Variants in JMJD1C observed in about 807,000 individuals in gnomAD.
The protein encoded by JMJD1C is jumonji domain containing 1C.
Under a neutral mutation model 245.3 loss-of-function variants are expected in JMJD1C, and 31 were observed. The observed-to-expected ratio is 0.13, with a 90% confidence interval of 0.09 to 0.17. The LOEUF is 0.17. JMJD1C is among the 10% of genes least tolerant of loss of function. The pLI, the probability that JMJD1C is intolerant of heterozygous loss-of-function variation, is 1.00. For synonymous variants in JMJD1C, 1,057 were observed against 1,017.4 expected, an observed-to-expected ratio of 1.04 and a Z score of -0.74; for missense variants, 2,691 against 3,000.2, an observed-to-expected ratio of 0.90 and a Z score of 2.41.
At chr10:63,372,782 A>C (rs1946413359) in intron 2 of JMJD1C, among the ~76,000 whole-genome samples, 1 of 152,272 alleles carries the variant, frequency 6.6e-6, no homozygotes, top group Non-Finnish European at 1.5e-5. Context: ...ACAGACATGC[A>C]AACAAATAGG....
At chr10:63,203,347 ACTT>A in intron 10 of JMJD1C, 1 of 984,406 alleles carries the variant, frequency 1.0e-6, no homozygotes, top group Non-Finnish European at 1.2e-6. Flanking sequence ...CTCAATGGAT[ACTT>A]CTTCATTTAT....
rs74917289 is a variant in JMJD1C at position 63,213,123 on chromosome 10, T to C, written c.2694+350A>G. Reference sequence around the variant, plus strand: ...ATTGCTTGAACCTGGGAGGCAGAGGTTGCAGTGACCCAAGATCATGTCACT... The same window carrying C: ...ATTGCTTGAACCTGGGAGGCAGAGGCTGCAGTGACCCAAGATCATGTCACT... On this transcript the variant is annotated intron_variant, in intron 8 of 25. Transcript: ENST00000399262. Among the ~76,000 whole-genome samples, 497 of 149,880 alleles carry C rather than the reference T, an allele frequency of 3.3e-3. 11 individuals are homozygous for C. The highest frequency in any genetic ancestry group is 0.03 in the Admixed American group (457 of 15,070).
At chr10:63,342,704 T>G (rs1404855584) in intron 2 of JMJD1C, among the ~76,000 whole-genome samples, 3 of 152,196 alleles carry the variant, frequency 2.0e-5, no homozygotes, top group Non-Finnish European at 4.4e-5. Context: ...TTTTTACTGT[T>G]CAGTAGTTTT....
chr10:63,344,709 A>C (rs1373361379), intron 2 of JMJD1C, among the ~76,000 whole-genome samples: 1 of 152,032 alleles, frequency 6.6e-6, no homozygotes. Context: ...AAAACAACAA[A>C]AAATGATTTA....
intron 1 of JMJD1C, among the ~76,000 whole-genome samples, chr10:63,423,706 G>A (rs914006150): frequency 1.3e-5 from 2 of 152,120 alleles, no homozygotes; most frequent in African/African-American, 2.4e-5. Flanking sequence ...TTAGCTTTTC[G>A]AGGAATTGCC....
intron 11 of JMJD1C, 37 bp from the exon 12 acceptor site, chr10:63,198,764 A>G (rs1348718617): frequency 8.4e-7 from 1 of 1,197,414 alleles, no homozygotes; most frequent in Non-Finnish European, 1.2e-6. Flanking sequence ...AGGTACCCAC[A>G]TATTAAAACA....
At chr10:63,247,654 C>G (rs922816090) in intron 3 of JMJD1C, among the ~76,000 whole-genome samples, 2 of 141,856 alleles carry the variant, frequency 1.4e-5, no homozygotes, top group Non-Finnish European at 3.0e-5. Flanking sequence ...ATTGCTTGGG[C>G]CAGAGAGGCG....
intron 3 of JMJD1C, among the ~76,000 whole-genome samples, chr10:63,253,422 C>T (rs1015761964): frequency 2.0e-5 from 3 of 150,620 alleles, no homozygotes; most frequent in African/African-American, 4.9e-5. Context: ...CTTGCTCTGT[C>T]GCCCAGGCTG....
At chr10:63,268,875 C>G in intron 2 of JMJD1C, 1 of 985,792 alleles carries the variant, frequency 1.0e-6, no homozygotes, top group Non-Finnish European at 1.2e-6. Context: ...GAAGAAAAGC[C>G]AAGACCACAG....
In JMJD1C at chr10:63,363,393, G is replaced by A. The variant is rs148797746; in HGVS notation, c.333+16925C>T. On this transcript the variant is annotated intron_variant, in intron 2 of 25. Coordinates refer to ENST00000399262, the MANE Select transcript of JMJD1C (RefSeq NM_032776.3). ...CTTGCCTCAGCCTCCCGAGTAGCTG[G>A]GATTAGAGATGCATGCCGCCATGCC... Among the ~76,000 whole-genome samples the A allele has an allele frequency of 3.5e-3, 534 of 151,844 alleles. 2 individuals are homozygous for A. The highest frequency in any genetic ancestry group is 0.012 in the African/African-American group (502 of 41,430).
intron 1 of JMJD1C, among the ~76,000 whole-genome samples, chr10:63,434,776 A>C (rs1950970076): frequency 6.6e-6 from 1 of 152,206 alleles, no homozygotes; most frequent in African/African-American, 2.4e-5. Context: ...AGCTACACAA[A>C]GGTGGATGAA....
intron 3 of JMJD1C, among the ~76,000 whole-genome samples, chr10:63,223,507 C>G (rs1848880561): frequency 1.3e-5 from 2 of 152,098 alleles, no homozygotes; most frequent in African/African-American, 4.8e-5. Context: ...GGATTACAGG[C>G]ATGAGCCATC....
rs768986551 is a variant in JMJD1C, at chr10:63,186,346, A to C, written c.6608T>G (p.Ile2203Ser). The change falls in exon 19 of 26, where the codon ATT becomes AGT. Residue 2203 changes from isoleucine (I) to serine (S), a missense_variant. Around this residue, in one of 9 missense-constraint regions of JMJD1C, gnomAD observed 232 missense variants for 416.1 expected, o/e 0.56. Transcript: ENST00000399262. Reference sequence around the variant, plus strand: ...AATTGATTCCGCCTTCCATAGGCTAATGTTCATTTTCTTATGCACACCAGA... The same window carrying C: ...AATTGATTCCGCCTTCCATAGGCTACTGTTCATTTTCTTATGCACACCAGA... ...VVSGVHKKMN[I>S]SLWKAESISL... 1 of 1,613,536 alleles carries C rather than the reference A, an allele frequency of 6.2e-7. No homozygotes were observed. The highest frequency in any genetic ancestry group is 2.2e-5 in the East Asian group (1 of 44,840).
At chr10:63,189,892 A>AT (rs144520897) in intron 17 of JMJD1C, among the ~76,000 whole-genome samples, 3,119 of 136,540 alleles carry the variant, frequency 0.023, 111 homozygotes, top group African/African-American at 0.072. Context: ...ATATATACAC[A>AT]TTTTTTTTTT....
Position 63,287,981 on chromosome 10 carries a change from G to A in JMJD1C, c.334-23217C>T, listed in dbSNP as rs538045304. 1.4e-4 allele frequency among the ~76,000 whole-genome samples: 21 copies of A among 152,196 alleles called. No individual in the cohort carries two copies. The East Asian group carries it at 1.9e-3, about 14-fold the overall frequency. On this transcript the variant is annotated intron_variant, in intron 2 of 25. Transcript: ENST00000399262. ...AGGCTGGCCTCAATCTCCTGACCTC[G>A]TGATCCACCAGCCTCAGCCTCCCAA...
intron 21 of JMJD1C, 116 bp from the exon 22 acceptor site, chr10:63,183,685 TTTCC>T (rs1843748433): frequency 3.5e-6 from 2 of 578,630 alleles, no homozygotes; most frequent in South Asian, 7.5e-5. Context: ...TGAGTTTTAG[TTTCC>T]TTATTACAAA....
At chr10:63,318,185 T>G (rs1399488984) in intron 2 of JMJD1C, among the ~76,000 whole-genome samples, 1 of 152,106 alleles carries the variant, frequency 6.6e-6, no homozygotes, top group Admixed American at 6.6e-5. Context: ...TTTTGTTAAT[T>G]TTTAACTTTT....
chr10:63,353,558 C>G (rs1944540450), intron 2 of JMJD1C, among the ~76,000 whole-genome samples: 1 of 152,142 alleles, frequency 6.6e-6, no homozygotes, highest in South Asian at 2.1e-4. Context: ...CTCTATCACC[C>G]AGGCTGGAGT....
At chr10:63,424,531 G>A (rs1380735234) in intron 1 of JMJD1C, among the ~76,000 whole-genome samples, 3 of 102,446 alleles carry the variant, frequency 2.9e-5, no homozygotes, top group East Asian at 3.7e-4. Flanking sequence ...TTTTGAGACC[G>A]GGTCTCATTC....
Sources: gnomAD v4.1 joint callset for allele counts (sites outside exome capture counted in the v4.1 genomes callset) on GRCh38, gnomAD v4.1.1 for gene constraint, gnomAD v4.1.1 regional missense constraint, MANE v1.5 for transcripts, NCBI Gene and HGNC (gene_info 2026-07-23, HGNC 2026-07-21) for gene names.